RASA4: variants seen among roughly 807,000 people sequenced by gnomAD.
RASA4 encodes RAS p21 protein activator 4.
In RASA4, 5 loss-of-function variants were observed where a neutral mutation model predicts 24.0. The observed-to-expected ratio is 0.21, with a 90% CI of 0.11 to 0.44. The LOEUF (loss-of-function observed/expected upper bound fraction) is 0.44. Among genes scored for constraint, RASA4 ranks in the 20% least tolerant of loss-of-function variants. The pLI, the probability that RASA4 is intolerant of heterozygous loss-of-function variation, is 0.99. For synonymous variants in RASA4, 9 were observed against 132.7 expected, an observed-to-expected ratio of 0.07 and a Z score of 6.41; for missense variants, 38 against 293.0, an observed-to-expected ratio of 0.13 and a Z score of 6.35.
intron 5 of RASA4, among the ~76,000 whole-genome samples, chr7:102,604,222 A>T (rs1407714304): frequency 1.2e-3 from 173 of 149,418 alleles, no homozygotes; most frequent in African/African-American, 4.0e-3. Context: ...TCCCCAGAAA[A>T]AATGAGGAAA....
chr7:102,613,999 C>G (rs1406702688), intron 1 of RASA4, among the ~76,000 whole-genome samples: 2 of 150,460 alleles, frequency 1.3e-5, no homozygotes, highest in Non-Finnish European at 3.0e-5. Context: ...CAGCTGGCAG[C>G]TGTGTGAGGA....
intron 5 of RASA4, among the ~76,000 whole-genome samples, chr7:102,603,123 G>C (rs1160918165): frequency 4.6e-3 from 582 of 126,612 alleles, no homozygotes; most frequent in Admixed American, 7.2e-3. Flanking sequence ...ACCACGCCCA[G>C]CTAATTTTCG....
At chr7:102,602,899 G>A (rs1790418257) in intron 5 of RASA4, among the ~76,000 whole-genome samples, 1 of 148,282 alleles carries the variant, frequency 6.7e-6, no homozygotes, top group South Asian at 2.1e-4. Flanking sequence ...GCCCTGATGG[G>A]CGGCCCTGCC....
At position 102,587,021 on chromosome 7, in the gene RASA4, T is replaced by C. The variant is rs1789788432; in HGVS notation, c.2104+614A>G. On this transcript the variant is annotated intron_variant, in intron 18 of 20. Transcript: ENST00000262940. ...CTGAGGCAGGAGAATCACTTGAGCC[T>C]GGGAAACGGAGATTGCAGTGAGCCG... Among the ~76,000 whole-genome samples, 3 of 11,594 alleles carry C rather than the reference T, an allele frequency of 2.6e-4. No individual in the cohort carries two copies. The South Asian group carries it at 9.9e-3, about 38-fold the overall frequency. The allele number at this position is 11,594 out of a possible 152,430, so 7.6% of individuals were successfully genotyped here. A position where few individuals can be genotyped will look rare whatever the true frequency, so the allele number is the denominator to read the frequency against.
chr7:102,597,584 TC>T (rs1415870047), intron 8 of RASA4, among the ~76,000 whole-genome samples: 1 of 113,654 alleles, frequency 8.8e-6, no homozygotes, highest in East Asian at 3.0e-4. Flanking sequence ...CGCCACCACA[TC>T]CGGGTAATTT....
rs1487553296 is a variant in RASA4 at position 102,580,164 on chromosome 7, C to T, written c.*2607G>A. The T allele has an allele frequency of 4.5e-6, 1 of 221,190 alleles. No individual in the cohort carries two copies. The allele number at this position is 221,190 out of a possible 1,614,324, so 13.7% of individuals were successfully genotyped here. ...GATCAGTGTTCAAATTTCCAATTGC[C>T]TCATAAAAAGATCATTTCTTAACAT... On this transcript the variant is annotated 3_prime_UTR_variant, in exon 21 of 21. Transcript: ENST00000262940.
At chr7:102,612,420 T>TG (rs1364705114) in intron 1 of RASA4, among the ~76,000 whole-genome samples, 2 of 136,084 alleles carry the variant, frequency 1.5e-5, no homozygotes, top group African/African-American at 5.2e-5. Flanking sequence ...GAAAGAGGGA[T>TG]GGGGGAAGGC....
chr7:102,591,877 A>G (rs1183839732), intron 16 of RASA4, among the ~76,000 whole-genome samples: 2 of 151,988 alleles, frequency 1.3e-5, no homozygotes, highest in African/African-American at 4.8e-5. Context: ...TCTGTTGCCC[A>G]GGTTGGAGTG....
At chr7:102,606,622 C>T (rs1790682234) in intron 4 of RASA4, among the ~76,000 whole-genome samples, 2 of 68,016 alleles carry the variant, frequency 2.9e-5, no homozygotes, top group African/African-American at 5.2e-5. Flanking sequence ...GGAGAAGCTA[C>T]AAGATTGCGC....
intron 17 of RASA4, among the ~76,000 whole-genome samples, 193 bp downstream of exon 17, chr7:102,589,952 CCACAGCACCCAGGG>C: frequency 2.1e-4 from 2 of 9,654 alleles, no homozygotes; most frequent in Non-Finnish European, 4.3e-4. Context: ...CAGGCCATTC[CCACAGCACCCAGGG>C]CATTCCCATA....
intron 8 of RASA4, among the ~76,000 whole-genome samples, chr7:102,597,607 G>T (rs1790274752): frequency 7.9e-6 from 1 of 126,074 alleles, no homozygotes; most frequent in Non-Finnish European, 1.8e-5. Context: ...TGTATTTTTA[G>T]TACAGACGGG....
intron 8 of RASA4, among the ~76,000 whole-genome samples, chr7:102,599,586 G>A (rs1318346583): frequency 3.0e-5 from 4 of 134,454 alleles, no homozygotes; most frequent in African/African-American, 1.1e-4. Context: ...GCAGTGAGTC[G>A]AGATCACGCC....
chr7:102,604,817 ACAGG>A (rs1197250310), intron 5 of RASA4, among the ~76,000 whole-genome samples: 9 of 135,994 alleles, frequency 6.6e-5, no homozygotes, highest in African/African-American at 2.3e-4. Context: ...TTCCTCTTAG[ACAGG>A]CTGACCCCTC....
intron 5 of RASA4, among the ~76,000 whole-genome samples, chr7:102,603,838 CAA>C (rs148681177): frequency 2.6e-3 from 131 of 50,396 alleles, no homozygotes; most frequent in African/African-American, 5.0e-3. Context: ...CAGACTGCCT[CAA>C]AAAAAAAAAA....
intron 1 of RASA4, among the ~76,000 whole-genome samples, chr7:102,613,777 T>C (rs1269784199): frequency 1.3e-5 from 2 of 152,026 alleles, no homozygotes; most frequent in Non-Finnish European, 2.9e-5. Context: ...AAAATAGCCT[T>C]GGGCCAGTCC....
intron 5 of RASA4, among the ~76,000 whole-genome samples, chr7:102,603,859 A>C (rs1299307372): frequency 9.6e-6 from 1 of 103,994 alleles, no homozygotes; most frequent in Non-Finnish European, 2.1e-5. Context: ...AAAAAAAAAA[A>C]ACCACCAAAA....
chr7:102,606,395 C>CAAAAAAAAAA (rs555519087), intron 4 of RASA4, among the ~76,000 whole-genome samples: 12 of 55,502 alleles, frequency 2.2e-4, no homozygotes, highest in East Asian at 8.5e-4. Context: ...GACCCCATCT[C>CAAAAAAAAAA]AAAAAAAAAA....
At chr7:102,612,055 A>G (rs1427361348) in intron 1 of RASA4, 1 of 149,382 alleles carries the variant, frequency 6.7e-6, no homozygotes, top group African/African-American at 2.5e-5. Flanking sequence ...CCTCCACACC[A>G]AAGTCGAGCC....
At chr7:102,596,167 C>T (rs765976647) in intron 8 of RASA4, 38 bp from the exon 9 acceptor site, 4 of 1,212,772 alleles carry the variant, frequency 3.3e-6, no homozygotes, top group Non-Finnish European at 4.8e-6. Flanking sequence ...ACCAGGGACT[C>T]AGGCCACCCT....
Sources: gnomAD v4.1 joint callset for allele counts (sites outside exome capture counted in the v4.1 genomes callset) on GRCh38, gnomAD v4.1.1 for gene constraint, MANE v1.5 for transcripts, NCBI Gene and HGNC (gene_info 2026-07-23, HGNC 2026-07-21) for gene names.